LRRFIP1: variants seen among roughly 807,000 people sequenced by gnomAD.
LRRFIP1 encodes leucine-rich repeat flightless-interacting protein 1.
Under a neutral mutation model 104.4 loss-of-function variants are expected in LRRFIP1, and 62 were observed. The observed-to-expected ratio is 0.59, with a 90% CI of 0.48 to 0.73. LRRFIP1 has a LOEUF of 0.73. LRRFIP1 is among the 30% of genes least tolerant of loss of function. LRRFIP1 has a pLI of 0.00. For missense variants in LRRFIP1, 796 were observed against 824.5 expected, an observed-to-expected ratio of 0.97 and a Z score of 0.42; for synonymous variants, 300 against 299.0, an observed-to-expected ratio of 1.00 and a Z score of -0.03.
At chr2:237,739,961 A>C (rs569220190) in intron 11 of LRRFIP1, among the ~76,000 whole-genome samples, 4 of 152,138 alleles carry the variant, frequency 2.6e-5, no homozygotes, top group African/African-American at 9.6e-5. Context: ...GCTTGTGGGA[A>C]TGGAGGAGGG....
At position 237,776,086 on chromosome 2, in the gene LRRFIP1, G is replaced by A. The variant is rs555688213; in HGVS notation, c.1812+1624G>A. 1.6e-3 allele frequency among the ~76,000 whole-genome samples: 247 copies of A among 152,082 alleles called. 2 individuals carry two copies. The highest frequency in any genetic ancestry group is 5.8e-3 in the African/African-American group (239 of 41,496). On this transcript the variant is annotated intron_variant, in intron 23 of 23. Transcript: ENST00000308482. ...TTCAAGCCTCCCACCTCAGCCTCTC[G>A]AGTAGCCGGAAATACAGGCACCCAC...
intron 19 of LRRFIP1, chr2:237,765,593 T>A (rs1376769648): frequency 1.0e-6 from 1 of 974,524 alleles, no homozygotes; most frequent in Non-Finnish European, 1.2e-6. Flanking sequence ...GAATCACTTT[T>A]GGTATTTTGG....
chr2:237,687,918 A>C (rs923641235), intron 1 of LRRFIP1, among the ~76,000 whole-genome samples: 1 of 152,206 alleles, frequency 6.6e-6, no homozygotes, highest in Non-Finnish European at 1.5e-5. Flanking sequence ...CTTGCAACAG[A>C]CTAACACCAT....
At position 237,779,679 on chromosome 2, in the gene LRRFIP1, C is replaced by T. The variant is rs2061376004; in HGVS notation, c.*147C>T. 3.1e-6 allele frequency: 2 copies of T among 636,422 alleles called. No homozygotes were observed. Among genetic ancestry groups the T allele is most frequent in the Admixed American group, 2.7e-5 (1 of 36,980 alleles). The allele number at this position is 636,422 out of a possible 1,614,324, so 39.4% of individuals were successfully genotyped here. On this transcript the variant is annotated 3_prime_UTR_variant, in exon 24 of 24. Coordinates refer to ENST00000308482, the MANE Select transcript of LRRFIP1 (RefSeq NM_001137550.2). ...GCTTGGCGCTTAGGGGCTCCCGTGC[C>T]ATGGCTCACCCCAGGGAGCCCCAGC... is the stretch of plus-strand genomic sequence containing the variant.
Position 237,779,520 on chromosome 2 carries a change from G to T in LRRFIP1, c.1911G>T (p.Leu637Phe). Residue 637 changes from leucine to phenylalanine, a missense_variant, in exon 24 of 24, where the codon TTG (leucine) becomes TTT (phenylalanine). By Grantham distance (22) the Leu-to-Phe change is conservative. Coordinates refer to ENST00000308482, the MANE Select transcript of LRRFIP1 (RefSeq NM_001137550.2). ...TGAAAGCAAATCGGAGTGCACTCTT[G>T]TCCCAGCAGTAAATTCCAGCTCTGA... The part of the protein sequence containing the change: ...EKMKANRSAL[L>F]SQQ The T allele has an allele frequency of 1.3e-5, 21 of 1,613,376 alleles. No homozygotes were observed. Among genetic ancestry groups the T allele is most frequent in the Non-Finnish European group, 1.7e-5 (20 of 1,179,420 alleles).
Position 237,674,787 on chromosome 2 carries a change from G to C in LRRFIP1, c.97-33757G>C, listed in dbSNP as rs550241295. 2.0e-5 allele frequency among the ~76,000 whole-genome samples: 3 copies of C among 152,232 alleles called. No homozygotes were observed. In the East Asian group the frequency reaches 5.8e-4, roughly 29 times the overall value. On this transcript the variant is annotated intron_variant, in intron 1 of 23. Transcript: ENST00000308482. The stretch of plus-strand genomic sequence containing the variant: ...CAATAGAAACCACAGGTATTTCTCC[G>C]TCACTTTCGGGTTGTTGCTGAGAGC...
At chr2:237,714,880 A>G (rs149555799) in intron 3 of LRRFIP1, among the ~76,000 whole-genome samples, 53 of 152,344 alleles carry the variant, frequency 3.5e-4, no homozygotes, top group African/African-American at 1.2e-3. Context: ...GTGATTCAAG[A>G]TCTAGCAAAA....
At chr2:237,684,058 G>T (rs912227986) in intron 1 of LRRFIP1, 10 of 152,116 alleles carry the variant, frequency 6.6e-5, no homozygotes, top group Non-Finnish European at 1.3e-4. Flanking sequence ...TGACTGTCAG[G>T]AATATTCTCT....
At chr2:237,742,192 T>C (rs1450446275) in intron 11 of LRRFIP1, among the ~76,000 whole-genome samples, 1 of 152,232 alleles carries the variant, frequency 6.6e-6, no homozygotes. Flanking sequence ...AACAGAAAGA[T>C]GTGAGTTCAG....
chr2:237,759,978 G>A (rs1329860825), intron 18 of LRRFIP1, 86 bp from the exon 19 acceptor site: 1 of 1,275,294 alleles, frequency 7.8e-7, no homozygotes, highest in African/African-American at 1.5e-5. Context: ...AGGAAAAAAT[G>A]GTTTTCTTTT....
Position 237,709,354 on chromosome 2 carries a change from C to G in LRRFIP1, c.183+724C>G, listed in dbSNP as rs187264664. On this transcript the variant is annotated intron_variant, in intron 2 of 23. Transcript: ENST00000308482. ...AGTCCATGTTCTCCCGTGGGCCATG[C>G]CCTGTGGGGCCAAGGGACCATCCAC... is the stretch of plus-strand genomic sequence containing the variant. 4.9e-4 allele frequency among the ~76,000 whole-genome samples: 74 copies of G among 152,316 alleles called. 1 individual carries two copies. In the South Asian group the frequency reaches 0.015, roughly 31 times the overall value.
At chr2:237,738,377 C>T (rs1415311531) in intron 10 of LRRFIP1, among the ~76,000 whole-genome samples, 1 of 152,178 alleles carries the variant, frequency 6.6e-6, no homozygotes, top group Non-Finnish European at 1.5e-5. Context: ...GGGTTCTGTG[C>T]CCAGCACAGT....
At chr2:237,749,070 T>G in intron 12 of LRRFIP1, 129 bp from the exon 13 acceptor site, 3 of 914,352 alleles carry the variant, frequency 3.3e-6, no homozygotes, top group Non-Finnish European at 4.8e-6. Flanking sequence ...ACTGCCCCCG[T>G]GATCCAGTCT....
chr2:237,727,540 A>C (rs796142913), intron 7 of LRRFIP1, among the ~76,000 whole-genome samples: 62 of 152,236 alleles, frequency 4.1e-4, no homozygotes, highest in African/African-American at 1.4e-3. Flanking sequence ...AGCCACCATA[A>C]AACCAGAAAC....
intron 1 of LRRFIP1, among the ~76,000 whole-genome samples, chr2:237,658,595 G>A (rs966082303): frequency 1.3e-5 from 2 of 152,196 alleles, no homozygotes; most frequent in African/African-American, 4.8e-5. Flanking sequence ...TCACAGTTCA[G>A]CATAGCTGGA....
chr2:237,751,830 T>C (rs534489145), intron 14 of LRRFIP1, among the ~76,000 whole-genome samples: 1 of 152,326 alleles, frequency 6.6e-6, no homozygotes, highest in East Asian at 1.9e-4. Flanking sequence ...AGTGACTTCA[T>C]TGCACCAGCC....
At position 237,691,559 on chromosome 2, in the gene LRRFIP1, G is replaced by A. The variant is rs1203223022; in HGVS notation, c.97-16985G>A. 6.6e-6 allele frequency among the ~76,000 whole-genome samples: 1 copy of A among 152,250 alleles called. No individual in the cohort carries two copies. The highest frequency in any genetic ancestry group is 1.5e-5 in the Non-Finnish European group (1 of 68,044). On this transcript the variant is annotated intron_variant, in intron 1 of 23. Coordinates refer to ENST00000308482, the MANE Select transcript of LRRFIP1 (RefSeq NM_001137550.2). This position sits in a 1 kb window ranked among gnomAD's most constrained non-coding sequence, Gnocchi z 5.4. Reference sequence around the variant, plus strand: ...GCCCTTCTCGGGATGCCGCGTTAGTGGGGTGCCCGGCCGGCAGGTGCAGCG... The same window carrying A: ...GCCCTTCTCGGGATGCCGCGTTAGTAGGGTGCCCGGCCGGCAGGTGCAGCG...
intron 7 of LRRFIP1, among the ~76,000 whole-genome samples, chr2:237,727,069 T>C (rs1479607565): frequency 1.3e-5 from 2 of 152,116 alleles, no homozygotes; most frequent in Non-Finnish European, 2.9e-5. Flanking sequence ...CTAGAAATAA[T>C]TTCTGAGGCC....
At chr2:237,726,890 G>A (rs1383219650) in intron 7 of LRRFIP1, among the ~76,000 whole-genome samples, 1 of 152,180 alleles carries the variant, frequency 6.6e-6, no homozygotes, top group African/African-American at 2.4e-5. Flanking sequence ...GGGATGATAG[G>A]CATGCACTTA....
Sources: gnomAD v4.1 joint callset for allele counts (sites outside exome capture counted in the v4.1 genomes callset) on GRCh38, gnomAD v4.1.1 for gene constraint, Gnocchi (gnomAD v3.1) non-coding constraint, MANE v1.5 for transcripts, NCBI Gene and HGNC (gene_info 2026-07-23, HGNC 2026-07-21) for gene names.